Variants in GLI3 observed in about 807,000 individuals in gnomAD.
GLI3 encodes the protein GLI family zinc finger 3, also known as transcription activator GLI3.
A neutral mutation model predicts 100.8 loss-of-function variants in GLI3; 20 were observed. The ratio of observed to expected loss-of-function variants is 0.20; its 90% confidence interval spans 0.14 to 0.29. The LOEUF is 0.29. Ranked by LOEUF, GLI3 falls within the 10% of genes least tolerant of loss-of-function variation. GLI3 has a pLI of 1.00. For missense variants in GLI3, 2,040 were observed against 2,128.5 expected (o/e 0.96, Z 0.82); for synonymous variants, 938 against 860.5 (o/e 1.09, Z -1.58).
intron 3 of GLI3, among the ~76,000 whole-genome samples, chr7:42,103,392 C>T (rs532985703): frequency 3.3e-5 from 5 of 152,076 alleles, no homozygotes; most frequent in Admixed American, 6.5e-5. Flanking sequence ...CCCACAGTGC[C>T]ATAAATAGCT....
At chr7:42,262,225 T>TTCCTTCCTTCCTTCCTTCCTTCCTGCC (rs1789151410) in intron 1 of GLI3, among the ~76,000 whole-genome samples, 26 of 118,778 alleles carry the variant, frequency 2.2e-4, no homozygotes, top group African/African-American at 8.4e-4. Context: ...TCCTTCCTTC[T>TTCCTTCCTTCCTTCCTTCCTTCCTGCC]TTCCTTCCTT....
intron 2 of GLI3, among the ~76,000 whole-genome samples, chr7:42,150,411 A>G (rs533937766): frequency 6.6e-6 from 1 of 152,316 alleles, no homozygotes. Flanking sequence ...CAGTTACGTA[A>G]AAGCAAAAGG....
In GLI3 at chr7:41,966,841, G is replaced by C. The variant is rs1432688132; in HGVS notation, c.2432-200C>G. On this transcript the variant is annotated intron_variant, in intron 14 of 14. Coordinates refer to ENST00000395925, the MANE Select transcript of GLI3 (RefSeq NM_000168.6). The surrounding 1 kb of genome is among the most constrained non-coding windows in gnomAD (Gnocchi z 5.8). ...CACAGAGAGCAGTGAGCAAGCAAGC[G>C]TGGCGGGGTGTCCATGAAGCTTCCT... 6.6e-6 allele frequency among the ~76,000 whole-genome samples: 1 copy of C among 152,162 alleles called. No homozygotes were observed. Among genetic ancestry groups the C allele is most frequent in the East Asian group, 1.9e-4 (1 of 5,182 alleles).
intron 4 of GLI3, among the ~76,000 whole-genome samples, chr7:42,076,101 A>C (rs1272840883): frequency 6.6e-6 from 1 of 152,210 alleles, no homozygotes; most frequent in African/African-American, 2.4e-5. Flanking sequence ...ACAGTACTAC[A>C]AAAAAATACT....
chr7:42,067,190 T>C lies in GLI3; in HGVS notation c.473+9562A>G, dbSNP rs541413409. Among the ~76,000 whole-genome samples the C allele has an allele frequency of 2.6e-5, 4 of 152,320 alleles. No individual in the cohort carries two copies. In the South Asian group the frequency reaches 8.3e-4, roughly 32 times the overall value. On this transcript the variant is annotated intron_variant, in intron 4 of 14. Coordinates refer to ENST00000395925, the MANE Select transcript of GLI3 (RefSeq NM_000168.6). ...ATCAGAGGCCCCTTCAGAGGTCTGA[T>C]TGCTTACGTTATGGACTTACAATTC...
chr7:42,182,670 A>ATATATATATATATATATACACATGTGTG (rs1562775846), intron 2 of GLI3, among the ~76,000 whole-genome samples: 1 of 73,352 alleles, frequency 1.4e-5, no homozygotes, highest in Non-Finnish European at 2.8e-5. Context: ...ATATATATAT[A>ATATATATATATATATATACACATGTGTG]TATATATATA....
At chr7:42,236,007 G>A (rs1240042586) in intron 1 of GLI3, among the ~76,000 whole-genome samples, 1 of 151,980 alleles carries the variant, frequency 6.6e-6, no homozygotes, top group East Asian at 2.0e-4. Context: ...TTCCACGCGG[G>A]GTCAGGCAGG....
intron 3 of GLI3, among the ~76,000 whole-genome samples, chr7:42,101,419 G>A (rs563354198): frequency 2.0e-5 from 3 of 152,100 alleles, no homozygotes; most frequent in South Asian, 2.1e-4. Context: ...TGGACAACAC[G>A]TCAAGACCTG....
rs756110769 is a variant in GLI3 at position 41,965,925 on chromosome 7, T to A, written c.3148A>T (p.Thr1050Ser). ...EKRSLVLQNY[T>S]RPEGGQSRNF... The stretch of plus-strand genomic sequence containing the variant: ...CGGGACTGGCCGCCCTCGGGCCGCG[T>A]GTAATTCTGAAGCACGAGACTGCGC... The change falls in exon 15 of 15, where the codon ACG becomes TCG. Residue 1050 changes from threonine (T) to serine (S), a missense_variant. Coordinates refer to ENST00000395925, the MANE Select transcript of GLI3 (RefSeq NM_000168.6). The A allele has an allele frequency of 5.6e-6, 9 of 1,613,052 alleles. 1 individual carries two copies. The South Asian group carries it at 7.7e-5, about 14-fold the overall frequency.
chr7:42,066,968 CT>C (rs1327546712), intron 4 of GLI3, among the ~76,000 whole-genome samples: 1 of 152,102 alleles, frequency 6.6e-6, no homozygotes, highest in East Asian at 1.9e-4. Context: ...GCTTAGAGTG[CT>C]ACAAGGAACA....
At chr7:42,055,046 T>C (rs1024445593) in intron 4 of GLI3, among the ~76,000 whole-genome samples, 2 of 144,118 alleles carry the variant, frequency 1.4e-5, no homozygotes, top group Non-Finnish European at 3.0e-5. Flanking sequence ...TATACATATA[T>C]ATATACACAC....
chr7:41,987,530 C>G, intron 10 of GLI3, among the ~76,000 whole-genome samples: 1 of 152,150 alleles, frequency 6.6e-6, no homozygotes, highest in East Asian at 1.9e-4. Context: ...AGTTAATAAC[C>G]TGGGAACCTC....
At chr7:42,220,125 T>C (rs1301642161) in intron 2 of GLI3, among the ~76,000 whole-genome samples, 1 of 152,190 alleles carries the variant, frequency 6.6e-6, no homozygotes, top group African/African-American at 2.4e-5. Flanking sequence ...GTGCTGGGAT[T>C]ACAGGTGTGA....
chr7:42,131,531 CAG>C (rs1417779098), intron 3 of GLI3, among the ~76,000 whole-genome samples: 4 of 152,190 alleles, frequency 2.6e-5, no homozygotes, highest in Non-Finnish European at 5.9e-5. Context: ...TGGTTCAACA[CAG>C]AGAATTTCCA....
At chr7:42,080,678 G>A (rs1004823394) in intron 3 of GLI3, among the ~76,000 whole-genome samples, 1 of 152,108 alleles carries the variant, frequency 6.6e-6, no homozygotes, top group African/African-American at 2.4e-5. Flanking sequence ...AAGCAGTATG[G>A]GCATGTCCTG....
In GLI3 at chr7:41,972,709, A is replaced by G. The variant is rs1400525111; in HGVS notation, c.1813-82T>C. On this transcript the variant is annotated intron_variant, in intron 12 of 14. Transcript: ENST00000395925. This position sits in a 1 kb window ranked among gnomAD's most constrained non-coding sequence, Gnocchi z 4.4. ...GCCCAAAAGTCCTTTATGGTTGCTC[A>G]TTACATTTTTAATCCTTTCAAAACA... 1 of 1,161,010 alleles carries G rather than the reference A, an allele frequency of 8.6e-7. No individual in the cohort carries two copies. The allele number at this position is 1,161,010 out of a possible 1,614,324, so 71.9% of individuals were successfully genotyped here.
chr7:42,231,633 T>C (rs987779639), intron 1 of GLI3, among the ~76,000 whole-genome samples: 47 of 152,224 alleles, frequency 3.1e-4, no homozygotes, highest in African/African-American at 1.1e-3. Context: ...CAGGTTTCCA[T>C]ACATCAGAGT....
intron 3 of GLI3, among the ~76,000 whole-genome samples, chr7:42,101,475 A>G (rs530547657): frequency 2.6e-5 from 4 of 151,962 alleles, no homozygotes; most frequent in Admixed American, 2.6e-4. Context: ...GTATGGTGGC[A>G]TACACCTCTG....
chr7:42,043,646 T>G (rs1272446097), intron 6 of GLI3, among the ~76,000 whole-genome samples: 1 of 152,250 alleles, frequency 6.6e-6, no homozygotes, highest in African/African-American at 2.4e-5. Context: ...TCTAAATTCC[T>G]ACTTAATGAC....
Sources: allele counts gnomAD v4.1 joint callset (sites outside exome capture counted in the v4.1 genomes callset), GRCh38; gene constraint gnomAD v4.1.1; non-coding constraint Gnocchi (gnomAD v3.1); transcripts MANE v1.5; gene names NCBI Gene and HGNC (gene_info 2026-07-23, HGNC 2026-07-21).